The following CFAP43 variants were observed in gnomAD, a reference collection of about 807,000 sequenced individuals.
The protein encoded by CFAP43 is cilia and flagella associated protein 43.
Under a neutral mutation model 218.9 loss-of-function variants are expected in CFAP43, and 155 were observed. That is an observed-to-expected ratio of 0.71 (90% CI 0.62 to 0.81). The LOEUF is 0.81. CFAP43 is among the 30% of genes least tolerant of loss of function. The probability of loss-of-function intolerance (pLI) is 0.00; values close to 1 mark genes in which losing one functional copy is unlikely to be tolerated. For synonymous variants in CFAP43, 645 were observed against 681.3 expected (o/e 0.95, Z 0.83); for missense variants, 1,778 against 1,954.3 (o/e 0.91, Z 1.70).
chr10:104,156,053 G>A (rs2088526632), intron 27 of CFAP43, among the ~76,000 whole-genome samples: 1 of 152,116 alleles, frequency 6.6e-6, no homozygotes, highest in African/African-American at 2.4e-5. Context: ...GACTTAAAAG[G>A]GCAGAGGTGT....
chr10:104,172,641 T>C, intron 19 of CFAP43, 106 bp from the exon 20 acceptor site: 1 of 1,002,110 alleles, frequency 1.0e-6, no homozygotes. Flanking sequence ...ATAGATGTTC[T>C]ATTTATCAAA....
Position 104,133,612 on chromosome 10 carries a change from G to A in CFAP43, c.4596+8C>T. The A allele has an allele frequency of 6.2e-7, 1 of 1,609,852 alleles. No individual in the cohort carries two copies. The highest frequency in any genetic ancestry group is 1.1e-5 in the South Asian group (1 of 89,978). Reference sequence around the variant, plus strand: ...TTAAAACTATGTAGGGGGGTAGGGAGAATTTACCTTTTGACGATCTCTTGA... The same window carrying A: ...TTAAAACTATGTAGGGGGGTAGGGAAAATTTACCTTTTGACGATCTCTTGA... On this transcript the variant is annotated splice_region_variant and intron_variant, in intron 35 of 37. Transcript: ENST00000357060.
At chr10:104,142,451 A>C in intron 32 of CFAP43, 58 bp from the exon 33 acceptor site, 1 of 1,319,370 alleles carries the variant, frequency 7.6e-7, no homozygotes, top group East Asian at 2.4e-5. Context: ...TTTAGACAAC[A>C]TACATCTTTT....
At chr10:104,130,384 G>A in intron 37 of CFAP43, 79 bp from the exon 38 acceptor site, 1 of 1,504,710 alleles carries the variant, frequency 6.6e-7, no homozygotes. Context: ...AATCATACAT[G>A]TGGAAGAAAT....
intron 7 of CFAP43, 102 bp downstream of exon 7, chr10:104,205,861 C>T: frequency 1.1e-6 from 1 of 938,862 alleles, no homozygotes; most frequent in Non-Finnish European, 1.6e-6. Context: ...AATAATGTGA[C>T]AGATCTGACA....
At chr10:104,132,036 T>C in intron 36 of CFAP43, 80 bp downstream of exon 36, 2 of 1,118,472 alleles carry the variant, frequency 1.8e-6, no homozygotes, top group Non-Finnish European at 2.5e-6. Context: ...TCTAGGTAAA[T>C]TCATGATTTG....
chr10:104,219,560 T>C (rs906860262), intron 3 of CFAP43, among the ~76,000 whole-genome samples: 8 of 152,200 alleles, frequency 5.3e-5, no homozygotes, highest in South Asian at 2.1e-4. Flanking sequence ...AAAGAATTTG[T>C]CCATTAGCCT....
In CFAP43 at chr10:104,188,353, AC is replaced by A; in HGVS notation, c.1603del (p.Val535TrpfsTer3). On this transcript the variant is annotated frameshift_variant, in exon 13 of 38. Coordinates refer to ENST00000357060, the MANE Select transcript of CFAP43 (RefSeq NM_025145.7). LOFTEE classifies it high-confidence loss of function. ...STVSLLETDI[V>X]EVMVLSSLPE... ...AAGCGAGGAAAGCACCATCACTTCC[AC>A]TATGTCTGTTTCTAAAAGAGACACT... 1 of 1,614,072 alleles carries A rather than the reference AC, an allele frequency of 6.2e-7. No homozygotes were observed.
At chr10:104,165,947 T>C (rs1452841273) in intron 23 of CFAP43, among the ~76,000 whole-genome samples, 1 of 152,240 alleles carries the variant, frequency 6.6e-6, no homozygotes, top group African/African-American at 2.4e-5. Flanking sequence ...TGTTGTGGAA[T>C]GTTCTTTAGA....
intron 16 of CFAP43, among the ~76,000 whole-genome samples, chr10:104,184,238 A>T (rs1432806924): frequency 6.6e-6 from 1 of 152,184 alleles, no homozygotes; most frequent in Non-Finnish European, 1.5e-5. Context: ...AGCAAGGATG[A>T]TAATAGTACC....
chr10:104,131,498 TC>T lies in CFAP43; in HGVS notation c.4678-15del. On this transcript the variant is annotated splice_polypyrimidine_tract_variant and intron_variant, in intron 36 of 37. Transcript: ENST00000357060. ...CTTTTTGTGCATCTGAAATTTTTGT[TC>T]CCATGACACCCCACAAAATTAATTT... is the stretch of plus-strand genomic sequence containing the variant. The T allele has an allele frequency of 3.1e-6, 5 of 1,604,426 alleles. No individual in the cohort carries two copies. The highest frequency in any genetic ancestry group is 4.2e-6 in the Non-Finnish European group (5 of 1,177,374).
intron 24 of CFAP43, among the ~76,000 whole-genome samples, chr10:104,163,394 T>C: frequency 6.6e-6 from 1 of 152,262 alleles, no homozygotes; most frequent in East Asian, 1.9e-4. Flanking sequence ...TATTATCTTT[T>C]GTCCCCAGGA....
intron 5 of CFAP43, among the ~76,000 whole-genome samples, chr10:104,210,783 C>T (rs75498352): frequency 1.3e-5 from 1 of 75,444 alleles, no homozygotes; most frequent in South Asian, 5.9e-4. Context: ...GTGAAACACT[C>T]TTTTTTTTTT....
rs2134717867 is a variant in CFAP43, at chr10:104,129,949, A to G, written c.*190T>C. The G allele has an allele frequency of 1.8e-6, 1 of 545,760 alleles. No homozygotes were observed. The highest frequency in any genetic ancestry group is 3.0e-6 in the Non-Finnish European group (1 of 330,418). The allele number at this position is 545,760 out of a possible 1,614,324, so 33.8% of individuals were successfully genotyped here. A position where few individuals can be genotyped will look rare whatever the true frequency, so the allele number is the denominator to read the frequency against. On this transcript the variant is annotated 3_prime_UTR_variant, in exon 38 of 38. Transcript: ENST00000357060. ...AAAACAGCAATTCATGGTATTTTAC[A>G]CATTTATTCATGCAGGACAAAAATT...
At chr10:104,193,569 T>C (rs747731467) in intron 11 of CFAP43, 74 of 309,326 alleles carry the variant, frequency 2.4e-4, no homozygotes, top group Admixed American at 4.5e-4. Context: ...ACACACATGA[T>C]GGCCATTGAT....
At chr10:104,172,366 C>T in intron 20 of CFAP43, 44 bp downstream of exon 20, 1 of 1,578,858 alleles carries the variant, frequency 6.3e-7, no homozygotes, top group Admixed American at 2.0e-5. Context: ...CTTTTTACTT[C>T]TTTCATCATA....
intron 27 of CFAP43, among the ~76,000 whole-genome samples, chr10:104,156,883 AT>A (rs2088576159): frequency 6.6e-6 from 1 of 152,126 alleles, no homozygotes; most frequent in South Asian, 2.1e-4. Context: ...CAAAAACACA[AT>A]CTTACTTCTT....
At chr10:104,217,420 T>C (rs926319717) in intron 3 of CFAP43, among the ~76,000 whole-genome samples, 1 of 152,188 alleles carries the variant, frequency 6.6e-6, no homozygotes, top group Non-Finnish European at 1.5e-5. Context: ...TACAATTTCC[T>C]TATTTCAGCA....
chr10:104,192,289 C>T lies in CFAP43; in HGVS notation c.1456G>A (p.Gly486Arg). 2 of 1,611,454 alleles carry T rather than the reference C, an allele frequency of 1.2e-6. No homozygotes were observed. Among genetic ancestry groups the T allele is most frequent in the South Asian group, 2.2e-5 (2 of 90,828 alleles). Residue 486 changes from glycine to arginine, a missense_variant, in exon 12 of 38, where the codon GGA becomes AGA. Around this residue, in one of 3 missense-constraint regions of CFAP43, gnomAD observed 1,553 missense variants for 1,685.2 expected, o/e 0.92. Coordinates refer to ENST00000357060, the MANE Select transcript of CFAP43 (RefSeq NM_025145.7). ...GCTGTTCCAACTAACAGAAATATTC[C>T]TTGCTGATCATAACTAGAAAAGAAG... is the stretch of plus-strand genomic sequence containing the variant. ...SVQHVVYDQQ[G>R]IFLLVGTAEG...
Sources: gnomAD v4.1 joint callset for allele counts (sites outside exome capture counted in the v4.1 genomes callset) on GRCh38, gnomAD v4.1.1 for gene constraint, gnomAD v4.1.1 regional missense constraint, MANE v1.5 for transcripts, NCBI Gene and HGNC (gene_info 2026-07-23, HGNC 2026-07-21) for gene names.